EDNRA: variants seen among roughly 807,000 people sequenced by gnomAD.
EDNRA encodes the protein endothelin receptor type A.
A neutral mutation model predicts 41.4 loss-of-function variants in EDNRA; 11 were observed. The ratio of observed to expected loss-of-function variants is 0.27; its 90% CI spans 0.17 to 0.44. EDNRA has a LOEUF of 0.44. Among genes scored for constraint, EDNRA ranks in the 20% least tolerant of loss-of-function variants. The probability of loss-of-function intolerance (pLI) is 1.00; values close to 1 mark genes in which losing one functional copy is unlikely to be tolerated. For synonymous variants in EDNRA, 172 were observed against 183.0 expected (o/e 0.94, Z 0.49); for missense variants, 294 against 531.0 (o/e 0.55, Z 4.39).
Position 147,542,766 on chromosome 4 carries a change from G to A in EDNRA, c.*148G>A, listed in dbSNP as rs1277903023. The A allele has an allele frequency of 1.4e-5, 14 of 1,007,468 alleles. No individual in the cohort carries two copies. The highest frequency in any genetic ancestry group is 1.9e-5 in the South Asian group (1 of 53,264). 62.4% of individuals were successfully genotyped at this position (1,007,468 alleles called of 1,614,324 possible). ...AAGAAATGCTTTCCAAAACCGCAAG[G>A]GTAGACTGGTTTATCCACCCACAAC... On this transcript the variant is annotated 3_prime_UTR_variant, in exon 8 of 8. Coordinates refer to ENST00000651419, the MANE Select transcript of EDNRA (RefSeq NM_001957.4).
intron 7 of EDNRA, among the ~76,000 whole-genome samples, chr4:147,541,355 G>C (rs1348534142): frequency 6.6e-6 from 1 of 152,136 alleles, no homozygotes; most frequent in Non-Finnish European, 1.5e-5. Flanking sequence ...TCTTGGACCA[G>C]GCTGTTTAAC....
chr4:147,493,626 T>C (rs1729212828), intron 2 of EDNRA: 1 of 152,202 alleles, frequency 6.6e-6, no homozygotes, highest in Non-Finnish European at 1.5e-5. Context: ...TACAATTTTA[T>C]TCTTAACTAG....
intron 5 of EDNRA, among the ~76,000 whole-genome samples, 181 bp from the exon 6 acceptor site, chr4:147,539,635 CT>C (rs1731029640): frequency 6.6e-6 from 1 of 152,072 alleles, no homozygotes; most frequent in Non-Finnish European, 1.5e-5. Context: ...TTAGCAATTC[CT>C]TCGTTAGAAC....
chr4:147,536,089 G>T (rs911856780), intron 5 of EDNRA, 60 bp downstream of exon 5: 1 of 1,569,978 alleles, frequency 6.4e-7, no homozygotes, highest in Non-Finnish European at 8.7e-7. Context: ...ACAGCAGCAG[G>T]CCTGCAAATA....
At position 147,540,495 on chromosome 4, in the gene EDNRA, T is replaced by G; in HGVS notation, c.1143+10T>G. ...TAAAAATTGTTTCCAGGTAAGATGA[T>G]TTTTCAAGTATTTTTTAAAGACAAC... On this transcript the variant is annotated intron_variant, in intron 7 of 7. Coordinates refer to ENST00000651419, the MANE Select transcript of EDNRA (RefSeq NM_001957.4). The G allele has an allele frequency of 6.3e-7, 1 of 1,583,032 alleles. No individual in the cohort carries two copies.
At chr4:147,509,637 G>A (rs779717484) in intron 2 of EDNRA, among the ~76,000 whole-genome samples, 2 of 152,086 alleles carry the variant, frequency 1.3e-5, no homozygotes, top group African/African-American at 2.4e-5. Flanking sequence ...TTTGCCTCCT[G>A]TCAGATCAGC....
At chr4:147,515,003 C>A (rs552147315) in intron 2 of EDNRA, among the ~76,000 whole-genome samples, 2 of 152,266 alleles carry the variant, frequency 1.3e-5, no homozygotes, top group Admixed American at 6.5e-5. Flanking sequence ...TGGGGCCCAG[C>A]CATCTGTGTT....
chr4:147,540,284 GCAAGAA>G (rs1315192396), intron 6 of EDNRA, 87 bp from the exon 7 acceptor site: 31 of 1,089,596 alleles, frequency 2.8e-5, no homozygotes, highest in Non-Finnish European at 3.9e-5. Context: ...TGGCTTCTGG[GCAAGAA>G]AAATGCTTAT....
intron 2 of EDNRA, among the ~76,000 whole-genome samples, chr4:147,505,204 A>T (rs1729649824): frequency 8.4e-6 from 1 of 118,860 alleles, no homozygotes; most frequent in South Asian, 2.8e-4. Flanking sequence ...CTAAAATGTA[A>T]AAAAAAAAAA....
In EDNRA at chr4:147,539,805, A is replaced by T. The variant is rs1160410461; in HGVS notation, c.901-12A>T. On this transcript the variant is annotated splice_polypyrimidine_tract_variant and intron_variant, in intron 5 of 7. Transcript: ENST00000651419. ...AAATTTGTTGTCCTATTTTTTTCTC[A>T]CTTTCCTTTAGCGTCGAGAAGTGGC... 1 of 1,600,036 alleles carries T rather than the reference A, an allele frequency of 6.2e-7. No individual in the cohort carries two copies.
At chr4:147,526,727 T>C (rs1730564857) in intron 3 of EDNRA, among the ~76,000 whole-genome samples, 1 of 152,200 alleles carries the variant, frequency 6.6e-6, no homozygotes, top group Non-Finnish European at 1.5e-5. Flanking sequence ...GGAGGATGGC[T>C]TGAAGTCAGG....
chr4:147,520,035 A>G lies in EDNRA; in HGVS notation c.548+57A>G. ...TGGGCTTAGAAAAGCATTTTTCTCA[A>G]AAAGAAGAAAAGTCAAGAGAATTCG... On this transcript the variant is annotated intron_variant, in intron 3 of 7. Coordinates refer to ENST00000651419, the MANE Select transcript of EDNRA (RefSeq NM_001957.4). The G allele has an allele frequency of 2.6e-6, 4 of 1,554,694 alleles. No individual in the cohort carries two copies. The South Asian group carries it at 4.9e-5, about 19-fold the overall frequency.
intron 4 of EDNRA, among the ~76,000 whole-genome samples, chr4:147,535,387 C>A (rs1189593646): frequency 5.9e-5 from 9 of 152,118 alleles, no homozygotes; most frequent in African/African-American, 9.7e-5. Flanking sequence ...CCCCTATTAA[C>A]CAAAGCTACA....
At chr4:147,506,066 C>A in intron 2 of EDNRA, 1 of 500,104 alleles carries the variant, frequency 2.0e-6, no homozygotes, top group Non-Finnish European at 3.9e-6. Context: ...ATTGCTCTTT[C>A]CCTGGGTTCC....
At chr4:147,523,680 C>T (rs190644274) in intron 3 of EDNRA, among the ~76,000 whole-genome samples, 4 of 151,848 alleles carry the variant, frequency 2.6e-5, no homozygotes, top group Admixed American at 6.5e-5. Context: ...TTAGTAGAGA[C>T]GGGGTTTCAC....
chr4:147,516,190 A>T (rs183963345), intron 2 of EDNRA, among the ~76,000 whole-genome samples: 32 of 152,310 alleles, frequency 2.1e-4, no homozygotes, highest in African/African-American at 7.5e-4. Flanking sequence ...CATTTAGACC[A>T]TGGGATGTGC....
intron 3 of EDNRA, among the ~76,000 whole-genome samples, chr4:147,524,934 T>TA (rs1277648138): frequency 5.9e-5 from 9 of 152,212 alleles, no homozygotes; most frequent in Admixed American, 1.3e-4. Flanking sequence ...AAACACTTTT[T>TA]AAAATGAAAC....
intron 2 of EDNRA, among the ~76,000 whole-genome samples, chr4:147,497,403 T>C (rs3942348): frequency 0.031 from 4,692 of 152,212 alleles, 238 homozygotes; most frequent in African/African-American, 0.1. Context: ...TCTGCCTTCA[T>C]AATGGATAAT....
At chr4:147,482,302 A>T (rs932546347) in intron 1 of EDNRA, among the ~76,000 whole-genome samples, 3 of 152,218 alleles carry the variant, frequency 2.0e-5, no homozygotes, top group Non-Finnish European at 4.4e-5. Context: ...TGATCCTGAG[A>T]GTCTCATATG....
Sources: allele counts gnomAD v4.1 joint callset (sites outside exome capture counted in the v4.1 genomes callset), GRCh38; gene constraint gnomAD v4.1.1; transcripts MANE v1.5; gene names NCBI Gene and HGNC (gene_info 2026-07-23, HGNC 2026-07-21).